Variants in TENM4 observed in about 807,000 individuals in gnomAD.
TENM4 encodes teneurin-4.
A neutral mutation model predicts 243.3 loss-of-function variants in TENM4; 82 were observed. The observed-to-expected ratio is 0.34, with a 90% CI of 0.28 to 0.40. The LOEUF (loss-of-function observed/expected upper bound fraction) is 0.40, where lower values mean the gene tolerates loss of function less well. Ranked by LOEUF, TENM4 falls within the 10% of genes least tolerant of loss-of-function variation. The pLI is 1.00. For synonymous variants in TENM4, 1,412 were observed against 1,456.3 expected (o/e 0.97, Z 0.69); for missense variants, 3,138 against 3,673.3 (o/e 0.85, Z 3.77).
chr11:78,834,496 G>T (rs906242261), intron 12 of TENM4, among the ~76,000 whole-genome samples: 2 of 152,176 alleles, frequency 1.3e-5, no homozygotes, highest in Non-Finnish European at 2.9e-5. Flanking sequence ...GTAAGGTGAT[G>T]GAGTGGGGAC....
At chr11:79,117,229 C>T (rs1861640483) in intron 4 of TENM4, among the ~76,000 whole-genome samples, 1 of 152,118 alleles carries the variant, frequency 6.6e-6, no homozygotes, top group Non-Finnish European at 1.5e-5. Context: ...TGTGATTTTC[C>T]CCTTCATCAG....
At chr11:78,833,383 T>C (rs764659264) in intron 12 of TENM4, among the ~76,000 whole-genome samples, 4 of 152,232 alleles carry the variant, frequency 2.6e-5, no homozygotes, top group African/African-American at 4.8e-5. Context: ...TTCTGACCAG[T>C]AGAATCTAAT....
chr11:79,295,189 G>A lies in TENM4; in HGVS notation c.-265+2299C>T, dbSNP rs550317294. Among the ~76,000 whole-genome samples, 5 of 152,302 alleles carry A rather than the reference G, an allele frequency of 3.3e-5. No individual in the cohort carries two copies. The South Asian group carries it at 1.0e-3, about 32-fold the overall frequency. On this transcript the variant is annotated intron_variant, in intron 2 of 33. Transcript: ENST00000278550. ...GGCGAATGAACATTCTTGTAGCAGG[G>A]CTTGATAAGCCTGTTGCTAAGCCTA...
chr11:78,728,144 C>A (rs962338831), intron 22 of TENM4, among the ~76,000 whole-genome samples: 2 of 152,192 alleles, frequency 1.3e-5, no homozygotes, highest in Admixed American at 1.3e-4. Context: ...ACAGAAGTGG[C>A]TTGATCTACA....
chr11:79,113,847 G>T (rs992726209), intron 4 of TENM4, among the ~76,000 whole-genome samples: 1 of 152,156 alleles, frequency 6.6e-6, no homozygotes. Flanking sequence ...TTAGAAGGAA[G>T]GAGACCAAGA....
At chr11:78,959,024 G>A (rs568628810) in intron 6 of TENM4, among the ~76,000 whole-genome samples, 31 of 152,312 alleles carry the variant, frequency 2.0e-4, no homozygotes, top group African/African-American at 7.2e-4. Flanking sequence ...GCTTTCAGAG[G>A]TTGGAAACAT....
chr11:79,076,355 G>A (rs1044072270), intron 4 of TENM4: 1 of 153,064 alleles, frequency 6.5e-6, no homozygotes. Context: ...TACAGGAAAA[G>A]GGATTTAATG....
chr11:79,090,500 G>C (rs1860919687), intron 4 of TENM4, among the ~76,000 whole-genome samples: 2 of 152,202 alleles, frequency 1.3e-5, no homozygotes, highest in Non-Finnish European at 2.9e-5. Flanking sequence ...CTTGCATCTG[G>C]CAACTCATTC....
At position 79,440,779 on chromosome 11, in the gene TENM4, C is replaced by CA. The variant is rs1176730732; in HGVS notation, c.-592dup. 2.0e-5 allele frequency: 3 copies of CA among 152,500 alleles called. No individual in the cohort carries two copies. Among genetic ancestry groups the CA allele is most frequent in the Non-Finnish European group, 4.4e-5 (3 of 68,494 alleles). 9.4% of individuals were successfully genotyped at this position (152,500 alleles called of 1,614,324 possible). ...GGCCGCTCCCGGCCGGCGTCCCTGC[C>CA]AGCACTGCTGCCCCACATGAAACAG... On this transcript the variant is annotated 5_prime_UTR_variant, in exon 1 of 34. An upstream open reading frame in the 5' UTR gains an earlier in-frame stop. Transcript: ENST00000278550. This position sits in a 1 kb window ranked among gnomAD's most constrained non-coding sequence, Gnocchi z 4.7.
At chr11:78,924,961 A>T (rs1270353530) in intron 6 of TENM4, among the ~76,000 whole-genome samples, 1 of 152,216 alleles carries the variant, frequency 6.6e-6, no homozygotes, top group African/African-American at 2.4e-5. Context: ...TATGAATGCT[A>T]ACTGCTAGGT....
At chr11:79,025,308 T>C (rs541498666) in intron 6 of TENM4, among the ~76,000 whole-genome samples, 1 of 152,318 alleles carries the variant, frequency 6.6e-6, no homozygotes, top group Non-Finnish European at 1.5e-5. Flanking sequence ...AGTGATTCAG[T>C]CTGCCAGAAG....
At chr11:79,167,956 C>G (rs892224526) in intron 3 of TENM4, among the ~76,000 whole-genome samples, 1 of 152,244 alleles carries the variant, frequency 6.6e-6, no homozygotes, top group Admixed American at 6.5e-5. Context: ...CACTGACACC[C>G]ACATCATTAA....
chr11:78,981,344 C>T (rs528858135), intron 6 of TENM4, among the ~76,000 whole-genome samples: 11 of 152,322 alleles, frequency 7.2e-5, no homozygotes, highest in South Asian at 4.1e-4. Flanking sequence ...TGCATCCCCA[C>T]GACAGTCCTG....
At chr11:79,009,008 T>C (rs1033498626) in intron 6 of TENM4, among the ~76,000 whole-genome samples, 1 of 152,186 alleles carries the variant, frequency 6.6e-6, no homozygotes, top group African/African-American at 2.4e-5. Flanking sequence ...TTTGGATTAA[T>C]AGCAAAGGTG....
At chr11:79,144,016 C>A (rs1237116084) in intron 4 of TENM4, among the ~76,000 whole-genome samples, 1 of 151,928 alleles carries the variant, frequency 6.6e-6, no homozygotes, top group Non-Finnish European at 1.5e-5. Context: ...AAGAGACAAC[C>A]CACAGAATGG....
rs74611342 is a variant in TENM4 at position 78,684,965 on chromosome 11, A to G, written c.5260+3089T>C. Reference sequence around the variant, plus strand: ...AAGAACTAAAGATAGTTATTAAGCAATAGTTTTCATGGGAAACCCTCACTG... The same window carrying G: ...AAGAACTAAAGATAGTTATTAAGCAGTAGTTTTCATGGGAAACCCTCACTG... On this transcript the variant is annotated intron_variant, in intron 29 of 33. Transcript: ENST00000278550. 5.9e-3 allele frequency among the ~76,000 whole-genome samples: 904 copies of G among 152,318 alleles called. 10 individuals carry two copies. Among genetic ancestry groups the G allele is most frequent in the African/African-American group, 0.02 (851 of 41,568 alleles).
intron 3 of TENM4, among the ~76,000 whole-genome samples, chr11:79,199,605 C>T (rs901948343): frequency 6.6e-6 from 1 of 152,226 alleles, no homozygotes; most frequent in Non-Finnish European, 1.5e-5. Flanking sequence ...GGAGCTCTCT[C>T]AGGGAATGCC....
At chr11:79,064,710 C>T (rs1184205328) in intron 6 of TENM4, 28 bp downstream of exon 6, 1 of 1,551,196 alleles carries the variant, frequency 6.4e-7, no homozygotes, top group Non-Finnish European at 8.7e-7. Context: ...CACCCAGGCA[C>T]CCGGCACAGA....
chr11:79,188,701 G>A (rs900893478), intron 3 of TENM4, among the ~76,000 whole-genome samples: 1 of 151,594 alleles, frequency 6.6e-6, no homozygotes, highest in African/African-American at 2.4e-5. Context: ...AGAGAGAGGA[G>A]GGAAGGGGGA....
Sources: allele counts gnomAD v4.1 joint callset (sites outside exome capture counted in the v4.1 genomes callset), GRCh38; gene constraint gnomAD v4.1.1; non-coding constraint Gnocchi (gnomAD v3.1); transcripts MANE v1.5; gene names NCBI Gene and HGNC (gene_info 2026-07-23, HGNC 2026-07-21).